The following STPG4 variants were observed in gnomAD, a reference collection of about 807,000 sequenced individuals.
The protein encoded by STPG4 is sperm-tail PG-rich repeat containing 4.
Under a neutral mutation model 31.5 loss-of-function variants are expected in STPG4, and 41 were observed. That is an observed-to-expected ratio of 1.30 (90% CI 1.01 to 1.69). The LOEUF is 1.69. Ranked by LOEUF, STPG4 falls within the 40% of genes most tolerant of loss-of-function variation. STPG4 has a pLI of 0.00. For synonymous variants in STPG4, 141 were observed against 103.0 expected (o/e 1.37, Z -2.24); for missense variants, 375 against 293.4 (o/e 1.28, Z -2.03).
At chr2:47,089,162 G>T (rs1219524180) in intron 6 of STPG4, among the ~76,000 whole-genome samples, 1 of 152,218 alleles carries the variant, frequency 6.6e-6, no homozygotes, top group Non-Finnish European at 1.5e-5. Context: ...TGGGAGTTTG[G>T]TTAGCATGAC....
chr2:47,137,824 C>A (rs1686626161), intron 3 of STPG4, among the ~76,000 whole-genome samples: 1 of 151,976 alleles, frequency 6.6e-6, no homozygotes, highest in Non-Finnish European at 1.5e-5. Flanking sequence ...AGTGATGTCT[C>A]CTCTTTTGTG....
At chr2:47,107,008 C>A (rs1331254435) in intron 5 of STPG4, among the ~76,000 whole-genome samples, 1 of 152,008 alleles carries the variant, frequency 6.6e-6, no homozygotes, top group African/African-American at 2.4e-5. Flanking sequence ...TGCAGGGCCC[C>A]TTCATCGCCC....
chr2:47,141,075 T>C (rs1363116959), intron 3 of STPG4, among the ~76,000 whole-genome samples: 2 of 151,910 alleles, frequency 1.3e-5, no homozygotes, highest in Non-Finnish European at 2.9e-5. Flanking sequence ...TTAGTAGAGA[T>C]GGGGTTTCAC....
At chr2:47,095,900 C>T (rs761131289) in intron 5 of STPG4, among the ~76,000 whole-genome samples, 2 of 152,124 alleles carry the variant, frequency 1.3e-5, no homozygotes, top group African/African-American at 2.4e-5. Flanking sequence ...TTCTTCCCCA[C>T]GCTCCTTCCT....
At chr2:47,118,005 C>T (rs1686186849) in intron 5 of STPG4, among the ~76,000 whole-genome samples, 1 of 151,950 alleles carries the variant, frequency 6.6e-6, no homozygotes, top group Non-Finnish European at 1.5e-5. Context: ...AAGGGGTCCT[C>T]CCACCTTGGC....
intron 5 of STPG4, chr2:47,108,751 C>G (rs939741181): frequency 2.0e-5 from 3 of 152,388 alleles, no homozygotes; most frequent in Admixed American, 6.5e-5. Flanking sequence ...CACCTCACAC[C>G]GCACATAGAG....
At chr2:47,124,088 T>C (rs1686321609) in intron 5 of STPG4, among the ~76,000 whole-genome samples, 1 of 152,174 alleles carries the variant, frequency 6.6e-6, no homozygotes, top group Non-Finnish European at 1.5e-5. Context: ...GTTCTAGCAA[T>C]TCTCCTGCCT....
At chr2:47,090,607 T>A (rs1006468504) in intron 5 of STPG4, among the ~76,000 whole-genome samples, 1 of 152,184 alleles carries the variant, frequency 6.6e-6, no homozygotes, top group African/African-American at 2.4e-5. Context: ...GAACGTTAGG[T>A]GAGCAGTACC....
chr2:47,117,005 C>T (rs1278202412), intron 5 of STPG4, among the ~76,000 whole-genome samples: 1 of 152,138 alleles, frequency 6.6e-6, no homozygotes, highest in African/African-American at 2.4e-5. Context: ...GGACACCTAG[C>T]GCTTTGGTTT....
intron 5 of STPG4, among the ~76,000 whole-genome samples, chr2:47,115,905 C>T (rs1172092338): frequency 6.6e-6 from 1 of 152,158 alleles, no homozygotes; most frequent in Admixed American, 6.5e-5. Flanking sequence ...CCACCTGCCT[C>T]GGGCTTCCAA....
intron 5 of STPG4, among the ~76,000 whole-genome samples, chr2:47,102,373 AC>A (rs1355378822): frequency 2.6e-5 from 4 of 151,864 alleles, no homozygotes; most frequent in Non-Finnish European, 5.9e-5. Flanking sequence ...TGACCCATAA[AC>A]CCTGAAAAAG....
chr2:47,122,362 A>G (rs1686289780), intron 5 of STPG4, among the ~76,000 whole-genome samples: 1 of 151,850 alleles, frequency 6.6e-6, no homozygotes, highest in African/African-American at 2.4e-5. Context: ...TCTAGTATTT[A>G]TTTTCCTTTG....
At chr2:47,118,171 G>A (rs1021113654) in intron 5 of STPG4, among the ~76,000 whole-genome samples, 1 of 152,150 alleles carries the variant, frequency 6.6e-6, no homozygotes, top group Non-Finnish European at 1.5e-5. Flanking sequence ...GAGCAAGGGA[G>A]TGAAGTTTCA....
chr2:47,111,543 C>T (rs182978036), intron 5 of STPG4, among the ~76,000 whole-genome samples: 371 of 152,264 alleles, frequency 2.4e-3, no homozygotes, highest in African/African-American at 8.6e-3. Context: ...ATTTGTTCCT[C>T]TTTAAACCAT....
rs1033309976 is a variant in STPG4 at position 47,132,801 on chromosome 2, C to G, written c.400-2541G>C. ...TCTCTCGCACATACACAGATATAAA[C>G]AGGAGACAAAAAAAGAAAACTGAAA... On this transcript the variant is annotated intron_variant, in intron 3 of 6. Coordinates refer to ENST00000445927, the MANE Select transcript of STPG4 (RefSeq NM_001163561.2). Among the ~76,000 whole-genome samples the G allele has an allele frequency of 2.0e-5, 3 of 151,870 alleles. No individual in the cohort carries two copies. The East Asian group carries it at 5.8e-4, about 29-fold the overall frequency.
intron 3 of STPG4, among the ~76,000 whole-genome samples, chr2:47,130,988 A>AT (rs1291552757): frequency 6.0e-5 from 9 of 149,730 alleles, no homozygotes. Context: ...CTACTTTTTT[A>AT]TTTTTTGTAG....
chr2:47,123,077 C>T (rs1203042727), intron 5 of STPG4, among the ~76,000 whole-genome samples: 1 of 152,198 alleles, frequency 6.6e-6, no homozygotes, highest in African/African-American at 2.4e-5. Flanking sequence ...GCGCCTGCCT[C>T]AGCCTTCCAA....
chr2:47,122,871 G>T (rs1330848936), intron 5 of STPG4, among the ~76,000 whole-genome samples: 2 of 152,114 alleles, frequency 1.3e-5, no homozygotes, highest in African/African-American at 4.8e-5. Flanking sequence ...TATTGCCCAG[G>T]CTGGAGAGCA....
At chr2:47,138,571 G>C (rs937904575) in intron 3 of STPG4, among the ~76,000 whole-genome samples, 5 of 151,614 alleles carry the variant, frequency 3.3e-5, no homozygotes, top group Non-Finnish European at 7.4e-5. Context: ...TGTTTTTTTA[G>C]ATGGAGTCTT....
Sources: allele counts gnomAD v4.1 joint callset (sites outside exome capture counted in the v4.1 genomes callset), GRCh38; gene constraint gnomAD v4.1.1; transcripts MANE v1.5; gene names NCBI Gene and HGNC (gene_info 2026-07-23, HGNC 2026-07-21).